Variants in FMN2 observed in about 807,000 individuals in gnomAD.
FMN2 encodes the protein formin-2.
FMN2 carries 51 observed loss-of-function variants against 142.3 expected under a neutral mutation model. That is an observed-to-expected ratio of 0.36 (90% CI 0.29 to 0.45). FMN2 has a LOEUF of 0.45. FMN2 is among the 20% of genes least tolerant of loss of function. FMN2 has a pLI of 1.00. For missense variants in FMN2, 1,936 were observed against 2,122.8 expected (o/e 0.91, Z 1.73); for synonymous variants, 882 against 869.8 (o/e 1.01, Z -0.25).
chr1:240,330,368 G>A (rs1671334919), intron 10 of FMN2, among the ~76,000 whole-genome samples: 1 of 152,026 alleles, frequency 6.6e-6, no homozygotes, highest in Non-Finnish European at 1.5e-5. Flanking sequence ...TCACAGAAAT[G>A]GCCTAACATA....
intron 1 of FMN2, among the ~76,000 whole-genome samples, chr1:240,115,502 A>G (rs1661986985): frequency 6.6e-6 from 1 of 152,158 alleles, no homozygotes; most frequent in Admixed American, 6.5e-5. Context: ...CACATTGCCA[A>G]ATTGCCCCTT....
intron 15 of FMN2, among the ~76,000 whole-genome samples, chr1:240,425,816 G>A (rs1674922129): frequency 6.6e-6 from 1 of 152,124 alleles, no homozygotes; most frequent in Admixed American, 6.5e-5. Context: ...TGACCCATTA[G>A]GAATGTTTTT....
At position 240,320,750 on chromosome 1, in the gene FMN2, G is replaced by A. The variant is rs755749454; in HGVS notation, c.4216-8326G>A. The stretch of plus-strand genomic sequence containing the variant: ...AGTTCTCAGTGTCTGCTCCGTGGAT[G>A]CCCAGGGATTCCTGCCATTCTTTTT... On this transcript the variant is annotated intron_variant, in intron 8 of 17. Coordinates refer to ENST00000319653, the MANE Select transcript of FMN2 (RefSeq NM_020066.5). Among the ~76,000 whole-genome samples the A allele has an allele frequency of 1.1e-3, 171 of 152,138 alleles. 1 individual carries two copies. The highest frequency in any genetic ancestry group is 2.2e-3 in the Non-Finnish European group (149 of 68,034).
chr1:240,219,066 C>T (rs925046644), intron 6 of FMN2, among the ~76,000 whole-genome samples: 2 of 152,088 alleles, frequency 1.3e-5, no homozygotes, highest in Admixed American at 6.5e-5. Flanking sequence ...AGAATAGCAC[C>T]ACAAGCAAAG....
intron 8 of FMN2, among the ~76,000 whole-genome samples, chr1:240,325,007 A>G (rs1572194534): frequency 6.6e-6 from 1 of 152,282 alleles, no homozygotes; most frequent in Middle Eastern, 3.4e-3. Context: ...CAGGTGTACC[A>G]CTACCATCTT....
chr1:240,275,069 C>CT (rs1280241828), intron 7 of FMN2, among the ~76,000 whole-genome samples: 4 of 124,704 alleles, frequency 3.2e-5, no homozygotes, highest in Admixed American at 1.8e-4. Context: ...AAAGGGTGTT[C>CT]TTTTTTTTAA....
chr1:240,451,194 T>C (rs1208344002), intron 16 of FMN2, among the ~76,000 whole-genome samples: 1 of 151,978 alleles, frequency 6.6e-6, no homozygotes, highest in African/African-American at 2.4e-5. Context: ...GGCGAAACCC[T>C]GTCTCTACTA....
intron 6 of FMN2, among the ~76,000 whole-genome samples, chr1:240,242,776 C>A (rs528102085): frequency 6.6e-6 from 1 of 152,302 alleles, no homozygotes; most frequent in South Asian, 2.1e-4. Flanking sequence ...ATAGCTTGAT[C>A]CTCTGCCAAG....
intron 7 of FMN2, among the ~76,000 whole-genome samples, chr1:240,275,035 C>T (rs891204929): frequency 6.7e-6 from 1 of 150,286 alleles, no homozygotes; most frequent in African/African-American, 2.4e-5. Context: ...ATACCTATAG[C>T]TGGTAGGGGA....
intron 2 of FMN2, among the ~76,000 whole-genome samples, chr1:240,157,993 AAGTC>A (rs1664101180): frequency 6.6e-6 from 1 of 151,258 alleles, no homozygotes; most frequent in Non-Finnish European, 1.5e-5. Context: ...AAAAAAAAAA[AAGTC>A]AGCCAGGCAC....
intron 6 of FMN2, among the ~76,000 whole-genome samples, chr1:240,234,089 C>T (rs1034559712): frequency 6.6e-6 from 1 of 152,128 alleles, no homozygotes; most frequent in African/African-American, 2.4e-5. Flanking sequence ...AACTCATAGA[C>T]AGCCGTGAGT....
At chr1:240,159,974 T>TATATATATACACACACAC (rs1202421069) in intron 2 of FMN2, among the ~76,000 whole-genome samples, 19 of 134,076 alleles carry the variant, frequency 1.4e-4, no homozygotes, top group Admixed American at 3.1e-4. Context: ...TATATATATA[T>TATATATATACACACACAC]ACACACACAC....
chr1:240,195,484 T>C (rs1665878177), intron 4 of FMN2, among the ~76,000 whole-genome samples: 1 of 152,258 alleles, frequency 6.6e-6, no homozygotes. Flanking sequence ...GCTTCAGTGA[T>C]GCTGCTGTTG....
At chr1:240,122,250 G>GTTATTTAT (rs59141517) in intron 1 of FMN2, among the ~76,000 whole-genome samples, 3,912 of 149,284 alleles carry the variant, frequency 0.026, 206 homozygotes, top group African/African-American at 0.093. Context: ...ACCACGGCTG[G>GTTATTTAT]TTATTTATTT....
intron 7 of FMN2, among the ~76,000 whole-genome samples, chr1:240,262,369 A>G (rs894350408): frequency 2.6e-5 from 4 of 152,156 alleles, no homozygotes; most frequent in Non-Finnish European, 5.9e-5. Flanking sequence ...TGACGTCCTT[A>G]TGATATTTTA....
chr1:240,166,903 C>A (rs1323584098), intron 2 of FMN2, among the ~76,000 whole-genome samples: 1 of 152,144 alleles, frequency 6.6e-6, no homozygotes. Context: ...AGGCGGATAA[C>A]CTGAGGTCAG....
chr1:240,397,541 C>T (rs1021928975), intron 15 of FMN2, among the ~76,000 whole-genome samples: 6 of 151,742 alleles, frequency 4.0e-5, no homozygotes, highest in African/African-American at 1.2e-4. Context: ...TTTGGGAGGC[C>T]GAGACAGGCA....
intron 10 of FMN2, 28 bp from the exon 11 acceptor site, chr1:240,330,572 AGTT>A (rs763225651): frequency 1.2e-6 from 2 of 1,601,506 alleles, no homozygotes; most frequent in South Asian, 1.1e-5. Context: ...ATAAGATAAA[AGTT>A]GTTTTTTGTT....
intron 14 of FMN2, among the ~76,000 whole-genome samples, chr1:240,381,802 A>G (rs979582020): frequency 1.3e-5 from 2 of 152,216 alleles, no homozygotes; most frequent in Non-Finnish European, 1.5e-5. Flanking sequence ...CCCTCAACAA[A>G]GTAGACATTG....
Sources: allele counts gnomAD v4.1 joint callset (sites outside exome capture counted in the v4.1 genomes callset), GRCh38; gene constraint gnomAD v4.1.1; transcripts MANE v1.5; gene names NCBI Gene and HGNC (gene_info 2026-07-23, HGNC 2026-07-21).